Variants in MLLT3 observed in about 807,000 individuals in gnomAD.
MLLT3 encodes the protein protein AF-9.
MLLT3 carries 4 observed loss-of-function variants against 53.2 expected under a neutral mutation model. The observed-to-expected ratio is 0.08, with a 90% CI of 0.04 to 0.17. The LOEUF (loss-of-function observed/expected upper bound fraction) is 0.17. Among genes scored for constraint, MLLT3 ranks in the 10% least tolerant of loss-of-function variants. The probability of loss-of-function intolerance (pLI) is 1.00; values close to 1 mark genes in which losing one functional copy is unlikely to be tolerated. For missense variants in MLLT3, 569 were observed against 684.0 expected, an observed-to-expected ratio of 0.83 and a Z score of 1.87; for synonymous variants, 283 against 230.6, an observed-to-expected ratio of 1.23 and a Z score of -2.06.
chr9:20,537,792 G>C (rs563486488), intron 2 of MLLT3, among the ~76,000 whole-genome samples: 1 of 152,170 alleles, frequency 6.6e-6, no homozygotes, highest in African/African-American at 2.4e-5. Context: ...TAAAGTCTAA[G>C]TTGCAAAATG....
In MLLT3 at chr9:20,546,579, C is replaced by T. The variant is rs1296762779; in HGVS notation, c.193+74075G>A. Among the ~76,000 whole-genome samples the T allele has an allele frequency of 2.0e-5, 3 of 151,824 alleles. No homozygotes were observed. In the East Asian group the frequency reaches 5.8e-4, roughly 29 times the overall value. ...AAAAAAAAATCTACTGTATGGTAGA[C>T]GAACCTGTGTATGGTAGACACACCT... On this transcript the variant is annotated intron_variant, in intron 2 of 10. Transcript: ENST00000380338.
At chr9:20,571,576 G>T (rs911131150) in intron 2 of MLLT3, among the ~76,000 whole-genome samples, 1 of 152,098 alleles carries the variant, frequency 6.6e-6, no homozygotes, top group African/African-American at 2.4e-5. Flanking sequence ...TTCTCCTAAT[G>T]CTATCCCTCC....
At chr9:20,379,993 G>A (rs190651767) in intron 5 of MLLT3, among the ~76,000 whole-genome samples, 28 of 152,060 alleles carry the variant, frequency 1.8e-4, no homozygotes, top group African/African-American at 4.6e-4. Context: ...ACATCTCCTC[G>A]TTCATGAATA....
chr9:20,501,298 C>G (rs1825218512), intron 2 of MLLT3, among the ~76,000 whole-genome samples: 1 of 152,142 alleles, frequency 6.6e-6, no homozygotes, highest in Admixed American at 6.5e-5. Context: ...TGAATACATA[C>G]CAGGCCTTCT....
chr9:20,375,600 T>C (rs955354305), intron 5 of MLLT3, among the ~76,000 whole-genome samples: 39 of 111,120 alleles, frequency 3.5e-4, no homozygotes, highest in African/African-American at 2.7e-4. Context: ...AATTTTTTTT[T>C]TTTTCTTTTC....
intron 2 of MLLT3, among the ~76,000 whole-genome samples, chr9:20,528,495 C>T (rs923728831): frequency 6.6e-6 from 1 of 152,230 alleles, no homozygotes; most frequent in African/African-American, 2.4e-5. Context: ...GCGAGTAGCT[C>T]ACAATCAGTT....
chr9:20,433,034 T>C (rs986878588), intron 4 of MLLT3, among the ~76,000 whole-genome samples: 1 of 151,984 alleles, frequency 6.6e-6, no homozygotes, highest in Non-Finnish European at 1.5e-5. Context: ...ACGCAAGTGA[T>C]GAAATTATGC....
chr9:20,613,018 T>C (rs1042436553), intron 2 of MLLT3, among the ~76,000 whole-genome samples: 4 of 152,212 alleles, frequency 2.6e-5, no homozygotes, highest in Admixed American at 2.6e-4. Flanking sequence ...ATGACCTATT[T>C]ATTTCTTAAT....
intron 2 of MLLT3, among the ~76,000 whole-genome samples, chr9:20,485,322 G>A (rs1260966473): frequency 1.3e-5 from 2 of 152,040 alleles, no homozygotes; most frequent in African/African-American, 4.8e-5. Flanking sequence ...TAAAGCAAGA[G>A]CATATTCAAG....
intron 5 of MLLT3, among the ~76,000 whole-genome samples, chr9:20,413,420 T>C (rs1333059888): frequency 6.6e-6 from 1 of 152,218 alleles, no homozygotes; most frequent in East Asian, 1.9e-4. Context: ...TTGGAAAGCA[T>C]AGATACCAAG....
intron 2 of MLLT3, among the ~76,000 whole-genome samples, chr9:20,567,729 T>G (rs1175199464): frequency 6.6e-6 from 1 of 152,178 alleles, no homozygotes; most frequent in African/African-American, 2.4e-5. Flanking sequence ...AATGTATATT[T>G]TGAAATGAAC....
At chr9:20,488,194 G>A (rs767299264) in intron 2 of MLLT3, among the ~76,000 whole-genome samples, 1 of 152,028 alleles carries the variant, frequency 6.6e-6, no homozygotes, top group Non-Finnish European at 1.5e-5. Context: ...TGGTTGCCAG[G>A]GGTCAGAAGG....
chr9:20,587,033 C>A (rs1819986112), intron 2 of MLLT3, among the ~76,000 whole-genome samples: 1 of 151,708 alleles, frequency 6.6e-6, no homozygotes, highest in Non-Finnish European at 1.5e-5. Flanking sequence ...CAGGAGAAGC[C>A]AGCCAATTAT....
chr9:20,504,112 G>C (rs1825322545), intron 2 of MLLT3, among the ~76,000 whole-genome samples: 1 of 152,172 alleles, frequency 6.6e-6, no homozygotes, highest in African/African-American at 2.4e-5. Flanking sequence ...TGGTGGGAAT[G>C]AAAACTAGTA....
chr9:20,558,250 T>C (rs1040632482), intron 2 of MLLT3, among the ~76,000 whole-genome samples: 7 of 152,216 alleles, frequency 4.6e-5, no homozygotes, highest in African/African-American at 1.4e-4. Flanking sequence ...TGATTTGCCC[T>C]AATAAACGCA....
chr9:20,532,452 T>C (rs769604229), intron 2 of MLLT3: 1 of 176,184 alleles, frequency 5.7e-6, no homozygotes, highest in Non-Finnish European at 1.2e-5. Context: ...ATATAGTATA[T>C]AATTTGAGCC....
chr9:20,565,935 TA>T (rs1819347953), intron 2 of MLLT3, among the ~76,000 whole-genome samples: 6 of 11,356 alleles, frequency 5.3e-4, no homozygotes, highest in East Asian at 5.3e-3. Flanking sequence ...TATATATATA[TA>T]TTTATATATA....
At chr9:20,622,188 C>A in intron 1 of MLLT3, 57 bp downstream of exon 1, 1 of 1,531,518 alleles carries the variant, frequency 6.5e-7, no homozygotes, top group Non-Finnish European at 9.0e-7. Flanking sequence ...TGCGGCGGCG[C>A]AGGGCGAGGA....
At chr9:20,497,395 C>T (rs1825104255) in intron 2 of MLLT3, among the ~76,000 whole-genome samples, 2 of 151,934 alleles carry the variant, frequency 1.3e-5, no homozygotes, top group South Asian at 4.2e-4. Flanking sequence ...AAGGAACATC[C>T]ATCAACCCCT....
Sources: allele counts gnomAD v4.1 joint callset (sites outside exome capture counted in the v4.1 genomes callset), GRCh38; gene constraint gnomAD v4.1.1; transcripts MANE v1.5; gene names NCBI Gene and HGNC (gene_info 2026-07-23, HGNC 2026-07-21).